Variants in FMN1 observed in about 807,000 individuals in gnomAD.
The protein encoded by FMN1 is formin-1.
Under a neutral mutation model 132.4 loss-of-function variants are expected in FMN1, and 110 were observed. The ratio of observed to expected loss-of-function variants is 0.83; its 90% CI spans 0.71 to 0.97. The LOEUF (loss-of-function observed/expected upper bound fraction) is 0.97, where lower values mean the gene tolerates loss of function less well. Ranked by LOEUF, FMN1 falls within the 50% of genes least tolerant of loss-of-function variation. The pLI is 0.00. For missense variants in FMN1, 1,792 were observed against 1,705.3 expected, an observed-to-expected ratio of 1.05 and a Z score of -0.90; for synonymous variants, 722 against 651.7, an observed-to-expected ratio of 1.11 and a Z score of -1.64.
intron 7 of FMN1, among the ~76,000 whole-genome samples, chr15:33,006,430 T>C (rs573839951): frequency 2.0e-5 from 3 of 152,260 alleles, no homozygotes; most frequent in Non-Finnish European, 4.4e-5. Flanking sequence ...AGAGAACCCA[T>C]GCACACTGTT....
intron 6 of FMN1, among the ~76,000 whole-genome samples, chr15:33,041,277 A>AC (rs2036421202): frequency 6.6e-6 from 1 of 151,922 alleles, no homozygotes; most frequent in Admixed American, 6.6e-5. Flanking sequence ...GAAATCTTCA[A>AC]CCCGTAACAC....
intron 4 of FMN1, among the ~76,000 whole-genome samples, chr15:33,137,585 G>A (rs1190931130): frequency 6.6e-6 from 1 of 152,118 alleles, no homozygotes; most frequent in African/African-American, 2.4e-5. Context: ...TCCCAGGAGA[G>A]GATTCTGATT....
chr15:32,802,681 C>T (rs991078423), intron 18 of FMN1, among the ~76,000 whole-genome samples: 1 of 152,210 alleles, frequency 6.6e-6, no homozygotes, highest in Non-Finnish European at 1.5e-5. Context: ...CCCCCTTTTC[C>T]TTCAGCAAGA....
chr15:32,979,547 C>G (rs761456842), intron 7 of FMN1, among the ~76,000 whole-genome samples: 52 of 119,734 alleles, frequency 4.3e-4, no homozygotes, highest in Non-Finnish European at 8.1e-4. Flanking sequence ...CAGAGCAAGA[C>G]TCTGTCTCAA....
intron 7 of FMN1, among the ~76,000 whole-genome samples, chr15:32,974,697 G>A (rs554146608): frequency 5.1e-4 from 78 of 152,310 alleles, no homozygotes; most frequent in Admixed American, 5.1e-3. Flanking sequence ...GGAGCCAGAG[G>A]TGAAATCAAC....
chr15:33,109,776 C>T lies in FMN1; in HGVS notation c.1868-20802G>A, dbSNP rs1277609180. Among the ~76,000 whole-genome samples the T allele has an allele frequency of 8.6e-5, 13 of 151,638 alleles. No individual in the cohort carries two copies. In the South Asian group the frequency reaches 2.7e-3, roughly 32 times the overall value. ...GTGATGAAATAATATGTACAACAAC[C>T]CCCCATGACACGTTTACCTATGTAA... is the stretch of plus-strand genomic sequence containing the variant. On this transcript the variant is annotated intron_variant, in intron 4 of 20. Transcript: ENST00000616417.
At chr15:33,125,392 G>A (rs761644378) in intron 4 of FMN1, among the ~76,000 whole-genome samples, 23 of 152,172 alleles carry the variant, frequency 1.5e-4, no homozygotes, top group Non-Finnish European at 3.4e-4. Context: ...TCTAGTTGAA[G>A]AAAGGTAGAC....
Position 32,770,673 on chromosome 15 carries a change from G to C in FMN1, c.*3637C>G, listed in dbSNP as rs976935880. On this transcript the variant is annotated 3_prime_UTR_variant, in exon 21 of 21. Transcript: ENST00000616417. ...AGGTGCCTGAAGGAGGCTGAGAAGAGGTTTGCAGCTTCTACTGTCCTTGAT... is the reference window on the plus strand; with the variant it reads ...AGGTGCCTGAAGGAGGCTGAGAAGACGTTTGCAGCTTCTACTGTCCTTGAT... The C allele has an allele frequency of 6.6e-6, 1 of 152,202 alleles. No homozygotes were observed. Among genetic ancestry groups the C allele is most frequent in the African/African-American group, 2.4e-5 (1 of 41,448 alleles). 9.4% of individuals were successfully genotyped at this position (152,202 alleles called of 1,614,324 possible).
At chr15:33,094,125 T>TA (rs1383010044) in intron 4 of FMN1, among the ~76,000 whole-genome samples, 2 of 152,210 alleles carry the variant, frequency 1.3e-5, no homozygotes, top group Non-Finnish European at 2.9e-5. Context: ...AGAGCGTGGG[T>TA]ACAGGGCTTT....
intron 2 of FMN1, among the ~76,000 whole-genome samples, chr15:33,185,870 T>A (rs1965868085): frequency 6.6e-6 from 1 of 152,146 alleles, no homozygotes; most frequent in African/African-American, 2.4e-5. Flanking sequence ...CTGTGCCTAG[T>A]CAGGAAGAAG....
intron 7 of FMN1, among the ~76,000 whole-genome samples, chr15:32,985,411 T>C (rs1397744675): frequency 2.0e-5 from 3 of 152,136 alleles, no homozygotes; most frequent in Non-Finnish European, 4.4e-5. Context: ...TTTTTATTTT[T>C]TGTTCACTGA....
At chr15:33,137,783 T>C (rs1465512092) in intron 4 of FMN1, among the ~76,000 whole-genome samples, 3 of 152,176 alleles carry the variant, frequency 2.0e-5, no homozygotes, top group Non-Finnish European at 4.4e-5. Context: ...CCCACCACCA[T>C]ACAGCTTGCC....
chr15:32,861,414 A>G (rs368251385), intron 16 of FMN1, among the ~76,000 whole-genome samples: 1 of 152,198 alleles, frequency 6.6e-6, no homozygotes, highest in African/African-American at 2.4e-5. Context: ...TTATGAGGCC[A>G]TATCATGGGG....
intron 6 of FMN1, among the ~76,000 whole-genome samples, chr15:33,061,618 T>C (rs2037487016): frequency 2.0e-5 from 3 of 147,638 alleles, no homozygotes; most frequent in East Asian, 1.9e-4. Flanking sequence ...AGAATGAATA[T>C]ATAAGGAAAT....
In FMN1 at chr15:33,048,639, A is replaced by AACAAAAAC. The variant is rs1566865341; in HGVS notation, c.2161+16317_2161+16318insGTTTTTGT. The stretch of plus-strand genomic sequence containing the variant: ...GAGACTGGGCAATTTACCAAAAAAA[A>AACAAAAAC]AAAAAAAAAACCAACAGTTTAATGG... On this transcript the variant is annotated intron_variant, in intron 6 of 20. Transcript: ENST00000616417. 5.8e-3 allele frequency among the ~76,000 whole-genome samples: 738 copies of AACAAAAAC among 127,022 alleles called. 96 individuals are homozygous for AACAAAAAC. The highest frequency in any genetic ancestry group is 0.019 in the African/African-American group (683 of 35,234). The allele number at this position is 127,022 out of a possible 152,430, so 83.3% of individuals were successfully genotyped here.
intron 15 of FMN1, among the ~76,000 whole-genome samples, chr15:32,893,669 T>C (rs1303316234): frequency 6.6e-6 from 1 of 152,242 alleles, no homozygotes; most frequent in Non-Finnish European, 1.5e-5. Context: ...TTCTACCCTC[T>C]TGTTGAGTGA....
Position 32,814,955 on chromosome 15 carries a change from A to C in FMN1, c.3929-10623T>G, listed in dbSNP as rs181884741. The stretch of plus-strand genomic sequence containing the variant: ...ATTTTATTTTATTATTATTATTATT[A>C]TTTTTGAGACAGAGTCTCGCTCTGT... On this transcript the variant is annotated intron_variant, in intron 17 of 20. Transcript: ENST00000616417. Among the ~76,000 whole-genome samples the C allele has an allele frequency of 4.4e-3, 558 of 127,290 alleles. 2 individuals carry two copies. The highest frequency in any genetic ancestry group is 7.3e-3 in the Admixed American group (91 of 12,498). The allele number at this position is 127,290 out of a possible 152,430, so 83.5% of individuals were successfully genotyped here. A position where few individuals can be genotyped will look rare whatever the true frequency, so the allele number is the denominator to read the frequency against.
intron 19 of FMN1, among the ~76,000 whole-genome samples, chr15:32,781,133 T>G (rs960207218): frequency 4.6e-5 from 7 of 152,182 alleles, no homozygotes; most frequent in Non-Finnish European, 7.3e-5. Flanking sequence ...AGTGGGAATA[T>G]GGGTGTGATA....
intron 3 of FMN1, among the ~76,000 whole-genome samples, chr15:33,160,471 C>T (rs1256368263): frequency 6.6e-6 from 1 of 152,152 alleles, no homozygotes; most frequent in Non-Finnish European, 1.5e-5. Context: ...TGTGACAACC[C>T]ATTAGAAAGT....
Sources: allele counts gnomAD v4.1 joint callset (sites outside exome capture counted in the v4.1 genomes callset), GRCh38; gene constraint gnomAD v4.1.1; transcripts MANE v1.5; gene names NCBI Gene and HGNC (gene_info 2026-07-23, HGNC 2026-07-21).